Variants in STARD13 observed in about 807,000 individuals in gnomAD.
STARD13 encodes the protein StAR related lipid transfer domain containing 13.
STARD13 carries 62 observed loss-of-function variants against 106.4 expected under a neutral mutation model. That is an observed-to-expected ratio of 0.58 (90% CI 0.48 to 0.72). The LOEUF (loss-of-function observed/expected upper bound fraction) is 0.72. Among genes scored for constraint, STARD13 ranks in the 30% least tolerant of loss-of-function variants. STARD13 has a pLI of 0.00. For missense variants in STARD13, 1,387 were observed against 1,424.0 expected (o/e 0.97, Z 0.42); for synonymous variants, 565 against 553.0 (o/e 1.02, Z -0.31).
At chr13:33,528,227 T>TGTATATATATATATAC in the STARD13 span, among the ~76,000 whole-genome samples, 517 of 110,938 alleles carry the variant, frequency 4.7e-3, 19 homozygotes, top group African/African-American at 0.019. Context: ...TGTGTGTGTG[T>TGTATATATATATATAC]ATATATATAT....
At chr13:33,260,864 A>G (rs1890606375) in intron 1 of STARD13, among the ~76,000 whole-genome samples, 1 of 152,218 alleles carries the variant, frequency 6.6e-6, no homozygotes, top group South Asian at 2.1e-4. Flanking sequence ...CAGAATTTTC[A>G]GGAAATCTGA....
the STARD13 span, among the ~76,000 whole-genome samples, chr13:33,552,307 C>T: frequency 3.3e-5 from 5 of 152,320 alleles, no homozygotes; most frequent in South Asian, 8.3e-4. Context: ...TCCACCAACT[C>T]TATCCACCAA....
chr13:33,121,637 A>G (rs1002631062), intron 7 of STARD13, among the ~76,000 whole-genome samples: 25 of 150,880 alleles, frequency 1.7e-4, no homozygotes, highest in African/African-American at 5.6e-4. Flanking sequence ...AGTTTTCCAC[A>G]TAAAAAATGG....
the STARD13 span, among the ~76,000 whole-genome samples, chr13:33,361,793 GA>G: frequency 6.6e-6 from 1 of 152,108 alleles, no homozygotes; most frequent in Non-Finnish European, 1.5e-5. Flanking sequence ...CAGCAAGGGG[GA>G]AATCCACCCC....
the STARD13 span, among the ~76,000 whole-genome samples, chr13:33,549,350 G>T: frequency 3.3e-5 from 5 of 152,176 alleles, no homozygotes; most frequent in African/African-American, 1.2e-4. Context: ...CTCGGTCATT[G>T]AATTGTAAAG....
intron 1 of STARD13, among the ~76,000 whole-genome samples, chr13:33,312,896 T>C (rs1233191773): frequency 1.3e-5 from 2 of 152,236 alleles, no homozygotes; most frequent in Non-Finnish European, 2.9e-5. Context: ...TTGAGCCAGA[T>C]TTACCAGGGT....
At position 33,103,791 on chromosome 13, in the gene STARD13, T is replaced by A. The variant is rs1318759668; in HGVS notation, c.*1802A>T. 1 of 152,252 alleles carries A rather than the reference T, an allele frequency of 6.6e-6. No homozygotes were observed. Among genetic ancestry groups the A allele is most frequent in the Non-Finnish European group, 1.5e-5 (1 of 68,036 alleles). 9.4% of individuals were successfully genotyped at this position (152,252 alleles called of 1,614,324 possible). On this transcript the variant is annotated 3_prime_UTR_variant, in exon 14 of 14. Transcript: ENST00000336934. ...GTTTAGCTAGATTAAACTTCACTGG[T>A]GATCTTGTTGATGCATATAAAGTAA...
the STARD13 span, among the ~76,000 whole-genome samples, chr13:33,370,442 G>A: frequency 2.0e-5 from 3 of 152,066 alleles, no homozygotes; most frequent in African/African-American, 7.2e-5. Flanking sequence ...AGAAATACAC[G>A]TACAACACTG....
At chr13:33,669,475 C>G in the STARD13 span, among the ~76,000 whole-genome samples, 2 of 151,388 alleles carry the variant, frequency 1.3e-5, no homozygotes, top group African/African-American at 4.9e-5. Flanking sequence ...GCTTGCTCAC[C>G]TCCATCTGGA....
upstream of STARD13, among the ~76,000 whole-genome samples, chr13:33,353,892 T>A (rs1301007101): frequency 6.6e-6 from 1 of 152,228 alleles, no homozygotes; most frequent in Non-Finnish European, 1.5e-5. Context: ...GCCCTGTCCG[T>A]CTTACTTGCT....
At chr13:33,488,751 A>G in the STARD13 span, among the ~76,000 whole-genome samples, 1 of 152,210 alleles carries the variant, frequency 6.6e-6, no homozygotes, top group Non-Finnish European at 1.5e-5. Context: ...AATCCTATCT[A>G]TCTTTCAAGT....
chr13:33,117,040 G>A (rs972890044), intron 8 of STARD13, among the ~76,000 whole-genome samples: 52 of 152,142 alleles, frequency 3.4e-4, no homozygotes, highest in African/African-American at 1.2e-3. Flanking sequence ...CCCATGAATT[G>A]GGATCTGGAC....
downstream of STARD13, among the ~76,000 whole-genome samples, chr13:33,346,741 T>C (rs2078021466): frequency 6.6e-6 from 1 of 152,092 alleles, no homozygotes; most frequent in African/African-American, 2.4e-5. Flanking sequence ...GCAATTCTCC[T>C]GCCTCAGCCT....
chr13:33,660,604 G>A, the STARD13 span, among the ~76,000 whole-genome samples: 1 of 152,188 alleles, frequency 6.6e-6, no homozygotes, highest in African/African-American at 2.4e-5. Flanking sequence ...TTTTTCAAGA[G>A]ACAAGATTTT....
chr13:33,358,611 G>A, the STARD13 span, among the ~76,000 whole-genome samples: 4 of 151,536 alleles, frequency 2.6e-5, no homozygotes, highest in African/African-American at 9.7e-5. Context: ...GAGTCTTTAT[G>A]TCTAGCTCAG....
chr13:33,141,129 C>T (rs929816239), intron 4 of STARD13, among the ~76,000 whole-genome samples: 3 of 152,046 alleles, frequency 2.0e-5, no homozygotes, highest in Non-Finnish European at 4.4e-5. Flanking sequence ...TGAGTTGCTA[C>T]GTAGTAGAGA....
At chr13:33,631,279 G>T in the STARD13 span, among the ~76,000 whole-genome samples, 32 of 152,292 alleles carry the variant, frequency 2.1e-4, no homozygotes, top group East Asian at 6.2e-3. Context: ...TGAAGAAATG[G>T]CAGGTTGACA....
chr13:33,480,425 G>T, the STARD13 span, among the ~76,000 whole-genome samples: 106 of 152,268 alleles, frequency 7.0e-4, 1 homozygote, highest in African/African-American at 1.9e-3. Flanking sequence ...TTGCAAAAAT[G>T]AATATTAAGT....
At chr13:33,240,963 T>TG (rs149772539) in intron 1 of STARD13, among the ~76,000 whole-genome samples, 14,192 of 152,232 alleles carry the variant, frequency 0.093, 893 homozygotes, top group African/African-American at 0.17. Context: ...AACCATTTTT[T>TG]GGTGGAGTCT....
Sources: gnomAD v4.1 joint callset for allele counts (sites outside exome capture counted in the v4.1 genomes callset) on GRCh38, gnomAD v4.1.1 for gene constraint, MANE v1.5 for transcripts, NCBI Gene and HGNC (gene_info 2026-07-23, HGNC 2026-07-21) for gene names.